Variants in THSD7A observed in about 807,000 individuals in gnomAD.
THSD7A encodes the protein thrombospondin type-1 domain-containing protein 7A.
THSD7A carries 96 observed loss-of-function variants against 231.3 expected under a neutral mutation model. The ratio of observed to expected loss-of-function variants is 0.41; its 90% confidence interval spans 0.35 to 0.49. THSD7A has a LOEUF of 0.49. Ranked by LOEUF, THSD7A falls within the 20% of genes least tolerant of loss-of-function variation. THSD7A has a pLI of 0.05. For missense variants in THSD7A, 2,290 were observed against 2,070.2 expected (o/e 1.11, Z -2.06); for synonymous variants, 940 against 743.3 (o/e 1.26, Z -4.30).
At chr7:11,780,348 T>C (rs1463017936) in intron 1 of THSD7A, among the ~76,000 whole-genome samples, 2 of 152,204 alleles carry the variant, frequency 1.3e-5, no homozygotes, top group Non-Finnish European at 2.9e-5. Flanking sequence ...AATAGAATAC[T>C]GCAGAAATGA....
At chr7:11,533,270 A>G (rs563023123) in intron 6 of THSD7A, among the ~76,000 whole-genome samples, 1 of 152,342 alleles carries the variant, frequency 6.6e-6, no homozygotes, top group South Asian at 2.1e-4. Context: ...TTCCTCGGCT[A>G]CAAATATAAG....
chr7:11,381,999 G>A (rs1782535217), intron 24 of THSD7A, among the ~76,000 whole-genome samples: 1 of 152,086 alleles, frequency 6.6e-6, no homozygotes, highest in Non-Finnish European at 1.5e-5. Context: ...TAGGTCAGCT[G>A]CTCAGATGGT....
chr7:11,801,141 A>T (rs2883594), intron 1 of THSD7A, among the ~76,000 whole-genome samples: 121,720 of 151,482 alleles, frequency 0.8, 49,004 homozygotes, highest in South Asian at 0.89. Flanking sequence ...TTCAAAAAAA[A>T]TTTTTTTTTA....
rs556325838 is a variant in THSD7A at position 11,679,409 on chromosome 7, A to T, written c.191-42448T>A. On this transcript the variant is annotated intron_variant, in intron 1 of 27. Coordinates refer to ENST00000423059, the MANE Select transcript of THSD7A (RefSeq NM_015204.3). ...AAATAGGAAAATCGGAAGTCAAATT[A>T]TCTCTGTTTTCAGATGACTTGATTG... Among the ~76,000 whole-genome samples the T allele has an allele frequency of 2.0e-5, 3 of 152,210 alleles. No homozygotes were observed. The East Asian group carries it at 5.8e-4, about 29-fold the overall frequency.
rs1217208755 is a variant in THSD7A at position 11,406,977 on chromosome 7, G to C, written c.3995C>G (p.Ser1332Cys). 1.9e-6 allele frequency: 3 copies of C among 1,613,878 alleles called. No homozygotes were observed. The highest frequency in any genetic ancestry group is 1.7e-6 in the Non-Finnish European group (2 of 1,179,846). ...GRPCPSLMDQ[S>C]KPCPVKPCYR... The stretch of plus-strand genomic sequence containing the variant: ...ACAAGGCTTCACTGGGCAGGGTTTG[G>C]ACTGGTCCATCAGGGAAGGGCATGG... The change falls in exon 21 of 28, where the codon TCC (serine) becomes TGC (cysteine). Residue 1332 changes from serine (S) to cysteine (C), a missense_variant. Coordinates refer to ENST00000423059, the MANE Select transcript of THSD7A (RefSeq NM_015204.3). The surrounding 1 kb of genome is among the most constrained non-coding windows in gnomAD (Gnocchi z 4.7).
Position 11,736,518 on chromosome 7 carries a change from G to A in THSD7A, c.190+95239C>T, listed in dbSNP as rs974089838. Among the ~76,000 whole-genome samples the A allele has an allele frequency of 1.9e-4, 27 of 142,922 alleles. 1 individual carries two copies. Among genetic ancestry groups the A allele is most frequent in the African/African-American group, 7.5e-4 (26 of 34,672 alleles). The allele number at this position is 142,922 out of a possible 152,430, so 93.8% of individuals were successfully genotyped here. A position where few individuals can be genotyped will look rare whatever the true frequency, so the allele number is the denominator to read the frequency against. The stretch of plus-strand genomic sequence containing the variant: ...TAATATTTTCAAGACAGGTAAACAT[G>A]TTAAATATAGAACTCAATTAGGCTT... On this transcript the variant is annotated intron_variant, in intron 1 of 27. Transcript: ENST00000423059.
chr7:11,700,590 G>C (rs1780559437), intron 1 of THSD7A, among the ~76,000 whole-genome samples: 2 of 151,278 alleles, frequency 1.3e-5, no homozygotes, highest in African/African-American at 4.8e-5. Context: ...AATTGTAGTT[G>C]GAGTGTTTTC....
At position 11,580,277 on chromosome 7, in the gene THSD7A, T is replaced by C. The variant is rs1481587362; in HGVS notation, c.1453+10183A>G. Among the ~76,000 whole-genome samples, 4 of 152,076 alleles carry C rather than the reference T, an allele frequency of 2.6e-5. No homozygotes were observed. In the South Asian group the frequency reaches 8.3e-4, roughly 32 times the overall value. On this transcript the variant is annotated intron_variant, in intron 4 of 27. Transcript: ENST00000423059. ...ATGCAGGTGATTCTTAAACTATATT[T>C]TGAGGATATATGCTTTAGAGAAAAA... is the stretch of plus-strand genomic sequence containing the variant.
intron 1 of THSD7A, among the ~76,000 whole-genome samples, chr7:11,815,332 C>G (rs927826287): frequency 1.3e-5 from 2 of 151,880 alleles, no homozygotes; most frequent in Non-Finnish European, 2.9e-5. Flanking sequence ...TATTACTTCT[C>G]TTAACCAGGT....
intron 1 of THSD7A, among the ~76,000 whole-genome samples, chr7:11,705,012 CTAAG>C (rs2128146221): frequency 6.6e-6 from 1 of 151,132 alleles, no homozygotes; most frequent in South Asian, 2.1e-4. Flanking sequence ...CACGTCAGAA[CTAAG>C]TGTCTTTTAA....
intron 19 of THSD7A, among the ~76,000 whole-genome samples, chr7:11,409,176 T>G (rs1783692100): frequency 1.3e-5 from 2 of 152,172 alleles, no homozygotes; most frequent in Admixed American, 1.3e-4. Context: ...AGGTATCCAA[T>G]GAGTAAATGT....
intron 1 of THSD7A, among the ~76,000 whole-genome samples, chr7:11,830,910 A>T (rs981229602): frequency 5.9e-5 from 9 of 152,236 alleles, no homozygotes; most frequent in African/African-American, 2.2e-4. Flanking sequence ...TTCCCATTTT[A>T]TTCCTATGAA....
chr7:11,519,458 G>C (rs1788172349), intron 6 of THSD7A, among the ~76,000 whole-genome samples: 1 of 152,084 alleles, frequency 6.6e-6, no homozygotes, highest in African/African-American at 2.4e-5. Flanking sequence ...TAAGCCATTG[G>C]TCAGAACTAT....
intron 23 of THSD7A, among the ~76,000 whole-genome samples, chr7:11,395,702 AT>A (rs1783158336): frequency 6.6e-6 from 1 of 151,700 alleles, no homozygotes; most frequent in African/African-American, 2.4e-5. Context: ...TGATTATTGT[AT>A]TTTTAGTAGA....
chr7:11,796,632 T>C (rs1327716829), intron 1 of THSD7A, among the ~76,000 whole-genome samples: 1 of 136,946 alleles, frequency 7.3e-6, no homozygotes, highest in Non-Finnish European at 1.5e-5. Flanking sequence ...CTCTAAGTAT[T>C]TCACGTTTAT....
chr7:11,582,529 T>C (rs1791210865), intron 4 of THSD7A, among the ~76,000 whole-genome samples: 1 of 152,132 alleles, frequency 6.6e-6, no homozygotes, highest in African/African-American at 2.4e-5. Flanking sequence ...CAAATTCTTT[T>C]CTCATCTTTA....
chr7:11,549,570 C>G (rs899480217), intron 4 of THSD7A, among the ~76,000 whole-genome samples: 1 of 152,048 alleles, frequency 6.6e-6, no homozygotes, highest in Admixed American at 6.6e-5. Flanking sequence ...AAATCTCATA[C>G]GTATACATTA....
rs555196872 is a variant in THSD7A, at chr7:11,813,870, T to G, written c.190+17887A>C. Reference sequence around the variant, plus strand: ...TGAAAATACATATCCACACTAAAACTTGTACATCAATGTTCATAGTAGCAT... The same window carrying G: ...TGAAAATACATATCCACACTAAAACGTGTACATCAATGTTCATAGTAGCAT... On this transcript the variant is annotated intron_variant, in intron 1 of 27. Coordinates refer to ENST00000423059, the MANE Select transcript of THSD7A (RefSeq NM_015204.3). Among the ~76,000 whole-genome samples, 5 of 152,168 alleles carry G rather than the reference T, an allele frequency of 3.3e-5. No homozygotes were observed. In the East Asian group the frequency reaches 9.7e-4, roughly 29 times the overall value.
chr7:11,769,147 ATATATATT>A (rs1480019049), intron 1 of THSD7A, among the ~76,000 whole-genome samples: 4 of 35,642 alleles, frequency 1.1e-4, no homozygotes, highest in African/African-American at 1.7e-4. Flanking sequence ...ATATATATAT[ATATATATT>A]TTTTTTTTTT....
Sources: allele counts gnomAD v4.1 joint callset (sites outside exome capture counted in the v4.1 genomes callset), GRCh38; gene constraint gnomAD v4.1.1; non-coding constraint Gnocchi (gnomAD v3.1); transcripts MANE v1.5; gene names NCBI Gene and HGNC (gene_info 2026-07-23, HGNC 2026-07-21).